Variants in PPP2R2C observed in about 807,000 individuals in gnomAD.
PPP2R2C encodes the protein protein phosphatase 2 regulatory subunit Bgamma, also known as protein phosphatase 2, regulatory subunit B, gamma.
A neutral mutation model predicts 45.3 loss-of-function variants in PPP2R2C; 10 were observed. That is an observed-to-expected ratio of 0.22 (90% CI 0.14 to 0.37). The LOEUF is 0.37. Among genes scored for constraint, PPP2R2C ranks in the 10% least tolerant of loss-of-function variants. The pLI, the probability that PPP2R2C is intolerant of heterozygous loss-of-function variation, is 1.00. For missense variants in PPP2R2C, 308 were observed against 619.7 expected (o/e 0.50, Z 5.34); for synonymous variants, 257 against 245.4 (o/e 1.05, Z -0.44).
rs115697382 is a variant in PPP2R2C, at chr4:6,377,244, G to C, written c.334+1163C>G. 4.4e-3 allele frequency among the ~76,000 whole-genome samples: 669 copies of C among 152,334 alleles called. 4 individuals carry two copies. The highest frequency in any genetic ancestry group is 0.015 in the African/African-American group (616 of 41,588). ...GGCTGGTGCTTGTGCAGCGGTTACT[G>C]TTCTCAGGGGGTTGAGTGGGCACCA... is the stretch of plus-strand genomic sequence containing the variant. On this transcript the variant is annotated intron_variant, in intron 3 of 8. Coordinates refer to ENST00000382599, the MANE Select transcript of PPP2R2C (RefSeq NM_020416.4).
chr4:6,365,012 G>A (rs1714158289), intron 5 of PPP2R2C, among the ~76,000 whole-genome samples: 1 of 152,182 alleles, frequency 6.6e-6, no homozygotes, highest in African/African-American at 2.4e-5. Flanking sequence ...TGAAAAGACA[G>A]CTCTTCCTTG....
rs1031777200 is a variant in PPP2R2C at position 6,345,921 on chromosome 4, G to A, written c.790+1925C>T. On this transcript the variant is annotated intron_variant, in intron 6 of 8. Transcript: ENST00000382599. This position sits in a 1 kb window ranked among gnomAD's most constrained non-coding sequence, Gnocchi z 5.3. ...TGCCTGGATATCTGGCTGCCTACTC[G>A]ACCCATTTCCTTGGAACCCAATACG... Among the ~76,000 whole-genome samples, 1 of 152,042 alleles carries A rather than the reference G, an allele frequency of 6.6e-6. No homozygotes were observed. The highest frequency in any genetic ancestry group is 2.4e-5 in the African/African-American group (1 of 41,390).
chr4:6,366,572 G>A lies in PPP2R2C; in HGVS notation c.625+5951C>T, dbSNP rs527669760. The stretch of plus-strand genomic sequence containing the variant: ...AACAAAACACTCAGTGTGACCGGGG[G>A]CAGCCAAGGAGCCGCAGGCTTAGAG... On this transcript the variant is annotated intron_variant, in intron 5 of 8. Transcript: ENST00000382599. Among the ~76,000 whole-genome samples, 19 of 152,302 alleles carry A rather than the reference G, an allele frequency of 1.2e-4. No homozygotes were observed. The East Asian group carries it at 3.5e-3, about 28-fold the overall frequency.
At chr4:6,326,857 C>T (rs758344543) in intron 8 of PPP2R2C, among the ~76,000 whole-genome samples, 3 of 152,324 alleles carry the variant, frequency 2.0e-5, no homozygotes, top group Non-Finnish European at 2.9e-5. Context: ...GCGGCAGCAG[C>T]GGCGCTCTGC....
intron 1 of PPP2R2C, among the ~76,000 whole-genome samples, chr4:6,456,795 C>A (rs905608304): frequency 3.3e-5 from 5 of 152,192 alleles, no homozygotes; most frequent in Admixed American, 6.5e-5. Flanking sequence ...ATGCAATCCC[C>A]CAGCCAGGGT....
intron 5 of PPP2R2C, among the ~76,000 whole-genome samples, chr4:6,354,244 C>T (rs912442896): frequency 6.6e-6 from 1 of 151,814 alleles, no homozygotes; most frequent in Non-Finnish European, 1.5e-5. Context: ...CCGAGGAGGT[C>T]GGACTTGCCC....
At chr4:6,563,660 T>G (rs1268706815), upstream of PPP2R2C, 4 of 101,582 alleles carry the variant, frequency 3.9e-5, no homozygotes, top group African/African-American at 1.5e-4. The surrounding 1 kb of genome is among the most constrained non-coding windows in gnomAD (Gnocchi z 5.8). Flanking sequence ...CGCGGTCAGC[T>G]GGCAAAACAG....
At chr4:6,369,627 T>C (rs1714638837) in intron 5 of PPP2R2C, among the ~76,000 whole-genome samples, 1 of 152,184 alleles carries the variant, frequency 6.6e-6, no homozygotes, top group South Asian at 2.1e-4. Context: ...CCATCCACAG[T>C]GCCACAGCTC....
At chr4:6,469,151 C>T (rs1417676747) in intron 1 of PPP2R2C, among the ~76,000 whole-genome samples, 3 of 135,792 alleles carry the variant, frequency 2.2e-5, no homozygotes, top group South Asian at 4.9e-4. Flanking sequence ...GAATGACTAA[C>T]AAAACCTAAA....
chr4:6,414,070 C>CTGTGTTTGTG, intron 1 of PPP2R2C: 4 of 1,202,240 alleles, frequency 3.3e-6, no homozygotes, highest in African/African-American at 1.8e-5. Context: ...TAAGTTTTGC[C>CTGTGTTTGTG]TGTGTATGTG....
At chr4:6,372,863 C>T (rs542411161) in intron 4 of PPP2R2C, among the ~76,000 whole-genome samples, 163 bp from the exon 5 acceptor site, 24 of 152,278 alleles carry the variant, frequency 1.6e-4, no homozygotes, top group South Asian at 1.5e-3. Flanking sequence ...GGCAAATGCC[C>T]GCCGCCCACC....
upstream of PPP2R2C, among the ~76,000 whole-genome samples, chr4:6,474,165 C>CCG (rs1722053198): frequency 6.7e-6 from 1 of 150,260 alleles, no homozygotes; most frequent in Non-Finnish European, 1.5e-5. Flanking sequence ...GGCATGTTCT[C>CCG]CTCTCTCTCT....
intron 1 of PPP2R2C, among the ~76,000 whole-genome samples, chr4:6,413,519 T>C (rs1013984825): frequency 6.6e-6 from 1 of 152,204 alleles, no homozygotes; most frequent in Admixed American, 6.5e-5. Context: ...CAGCCGGTAA[T>C]TAAACCTGCC....
At chr4:6,508,056 T>A (rs561407329) in intron 2 of PPP2R2C, among the ~76,000 whole-genome samples, 45 of 152,032 alleles carry the variant, frequency 3.0e-4, no homozygotes, top group African/African-American at 9.2e-4. Flanking sequence ...AGCCCAGGAG[T>A]TTCAGGCCAG....
chr4:6,421,904 G>A (rs1001060911), intron 1 of PPP2R2C, among the ~76,000 whole-genome samples: 5 of 152,198 alleles, frequency 3.3e-5, no homozygotes, highest in African/African-American at 4.8e-5. Context: ...TCTGCCTCCC[G>A]ATAACCAAAT....
intron 1 of PPP2R2C, among the ~76,000 whole-genome samples, chr4:6,538,572 C>T (rs981357373): frequency 6.6e-6 from 1 of 152,198 alleles, no homozygotes; most frequent in Admixed American, 6.5e-5. Flanking sequence ...ACGTCATCTT[C>T]CAAACGCCAA....
intron 1 of PPP2R2C, among the ~76,000 whole-genome samples, chr4:6,417,597 T>C (rs1378040430): frequency 6.6e-6 from 1 of 152,224 alleles, no homozygotes; most frequent in African/African-American, 2.4e-5. Context: ...ACCCTCTGGG[T>C]GTTGCCCAGG....
chr4:6,395,046 G>A (rs560808660), intron 1 of PPP2R2C, among the ~76,000 whole-genome samples: 22 of 151,976 alleles, frequency 1.4e-4, no homozygotes, highest in East Asian at 1.9e-4. Context: ...CCTCTCACCC[G>A]CGAGCCTGCA....
At chr4:6,485,011 T>C (rs1722486055) in intron 2 of PPP2R2C, among the ~76,000 whole-genome samples, 1 of 151,848 alleles carries the variant, frequency 6.6e-6, no homozygotes, top group South Asian at 2.1e-4. Flanking sequence ...GGAGAAAGCA[T>C]TCAATCTTTC....
Sources: allele counts gnomAD v4.1 joint callset (sites outside exome capture counted in the v4.1 genomes callset), GRCh38; gene constraint gnomAD v4.1.1; non-coding constraint Gnocchi (gnomAD v3.1); transcripts MANE v1.5; gene names NCBI Gene and HGNC (gene_info 2026-07-23, HGNC 2026-07-21).